PRKN: variants seen among roughly 807,000 people sequenced by gnomAD.
The protein encoded by PRKN is E3 ubiquitin-protein ligase parkin.
Under a neutral mutation model 59.5 loss-of-function variants are expected in PRKN, and 56 were observed. The observed-to-expected ratio is 0.94, with a 90% confidence interval of 0.76 to 1.18. PRKN has a LOEUF of 1.18. Ranked by LOEUF, PRKN falls within the 50% of genes most tolerant of loss-of-function variation. The pLI is 0.00. For synonymous variants in PRKN, 250 were observed against 222.1 expected (o/e 1.13, Z -1.12); for missense variants, 657 against 596.4 (o/e 1.10, Z -1.06).
At chr6:162,434,018 G>C (rs1031459978) in intron 2 of PRKN, among the ~76,000 whole-genome samples, 3 of 152,102 alleles carry the variant, frequency 2.0e-5, no homozygotes, top group African/African-American at 7.2e-5. Context: ...ACCTCTGAAT[G>C]CAAAGTATCC....
At chr6:161,902,567 T>TA (rs1246724907) in intron 6 of PRKN, among the ~76,000 whole-genome samples, 55 of 135,050 alleles carry the variant, frequency 4.1e-4, no homozygotes, top group Admixed American at 3.3e-3. Context: ...TTTATTTATT[T>TA]TTTTTTTTTT....
intron 6 of PRKN, among the ~76,000 whole-genome samples, chr6:161,858,455 A>C (rs9355939): frequency 0.5 from 75,465 of 151,668 alleles, 18,996 homozygotes; most frequent in East Asian, 0.76. Flanking sequence ...ATGTCATCAC[A>C]TTGCACGAAA....
chr6:162,658,808 T>C (rs974334614), intron 1 of PRKN, among the ~76,000 whole-genome samples: 1 of 151,736 alleles, frequency 6.6e-6, no homozygotes, highest in East Asian at 1.9e-4. Flanking sequence ...CAATATCATA[T>C]AAGTCATGTG....
Position 161,350,125 on chromosome 6 carries a change from T to C in PRKN, c.1372A>G (p.Met458Val), listed in dbSNP as rs182893847. 6.2e-7 allele frequency: 1 copy of C among 1,613,544 alleles called. No individual in the cohort carries two copies. Among genetic ancestry groups the C allele is most frequent in the South Asian group, 1.1e-5 (1 of 91,076 alleles). The change falls in exon 12 of 12, where the codon ATG (methionine) becomes GTG (valine). Residue 458 changes from methionine (M) to valine (V), a missense_variant. By Grantham distance (21) the Met-to-Val change is conservative. Transcript: ENST00000366898. ...NCGCEWNRVC[M>V]GDHWFDV ...TACACGTCGAACCAGTGGTCCCCCA[T>C]GCAGACGCGGTTCCACTCGCAGCCA... is the stretch of plus-strand genomic sequence containing the variant.
chr6:161,573,699 G>A (rs1448209288), intron 7 of PRKN, among the ~76,000 whole-genome samples: 14 of 119,216 alleles, frequency 1.2e-4, no homozygotes, highest in Middle Eastern at 0.014. Flanking sequence ...CAGCCTGGGC[G>A]ACAGAGCGAG....
rs1441940755 is a variant in PRKN at position 161,401,179 on chromosome 6, A to G, written c.1084-14302T>C. Among the ~76,000 whole-genome samples the G allele has an allele frequency of 6.6e-6, 1 of 152,188 alleles. No individual in the cohort carries two copies. Among genetic ancestry groups the G allele is most frequent in the Non-Finnish European group, 1.5e-5 (1 of 68,030 alleles). ...CACCTGTTTTTGCATGTAAAGTATC[A>G]GGCTGGAAGGCTTGGTCGGGCATGG... On this transcript the variant is annotated intron_variant, in intron 9 of 11. Transcript: ENST00000366898. This position sits in a 1 kb window ranked among gnomAD's most constrained non-coding sequence, Gnocchi z 4.4.
intron 7 of PRKN, among the ~76,000 whole-genome samples, chr6:161,625,660 G>A (rs1048722016): frequency 8.5e-5 from 13 of 152,126 alleles, no homozygotes; most frequent in African/African-American, 2.7e-4. Flanking sequence ...GCAATGTGGC[G>A]GCTACGTAGA....
rs777801875 is a variant in PRKN at position 162,054,193 on chromosome 6, A to G, written c.535-19T>C. 1 of 1,369,104 alleles carries G rather than the reference A, an allele frequency of 7.3e-7. No homozygotes were observed. Among genetic ancestry groups the G allele is most frequent in the Admixed American group, 1.7e-5 (1 of 59,708 alleles). 84.8% of individuals were successfully genotyped at this position (1,369,104 alleles called of 1,614,324 possible). A position where few individuals can be genotyped will look rare whatever the true frequency, so the allele number is the denominator to read the frequency against. On this transcript the variant is annotated intron_variant, in intron 4 of 11. Transcript: ENST00000366898. ...ATGGACCCTTTGGGAAAAAACAACA[A>G]TATATGCTTATATGAGTTATAATAG...
chr6:162,467,734 A>T (rs989582952), intron 1 of PRKN, among the ~76,000 whole-genome samples: 1 of 150,818 alleles, frequency 6.6e-6, no homozygotes, highest in African/African-American at 2.4e-5. Context: ...CACAGGATAA[A>T]ATCTACACTC....
chr6:162,211,513 AT>A (rs539191369), intron 3 of PRKN, among the ~76,000 whole-genome samples: 1 of 152,196 alleles, frequency 6.6e-6, no homozygotes, highest in Non-Finnish European at 1.5e-5. Flanking sequence ...TATTTAAAAA[AT>A]AATTTAAAAT....
At chr6:162,005,270 GAAAT>G (rs1472496064) in intron 5 of PRKN, among the ~76,000 whole-genome samples, 3 of 152,168 alleles carry the variant, frequency 2.0e-5, no homozygotes, top group African/African-American at 7.2e-5. Flanking sequence ...GGTAATAAAA[GAAAT>G]AAAGTATAGG....
chr6:161,542,923 AT>A (rs767715319), intron 9 of PRKN, among the ~76,000 whole-genome samples: 1 of 152,240 alleles, frequency 6.6e-6, no homozygotes, highest in Admixed American at 6.5e-5. Context: ...GGTTTAAAAA[AT>A]ATCTAAGCAT....
chr6:162,201,134 G>T lies in PRKN; in HGVS notation c.531C>A (p.Thr177=), dbSNP rs140590552. Residue 177 remains threonine (T), a synonymous_variant, in exon 4 of 12, where the codon ACC becomes ACA. Coordinates refer to ENST00000366898, the MANE Select transcript of PRKN (RefSeq NM_004562.3). ...STCRQATLTL[T]QGPSCWDDVL... is the part of the protein sequence containing the mutation. Reference sequence around the variant, plus strand: ...TGCTGACACTGCATTTCCTTACCTGGGTCAAGGTGAGCGTTGCCTGCCTGC... The same window carrying T: ...TGCTGACACTGCATTTCCTTACCTGTGTCAAGGTGAGCGTTGCCTGCCTGC... 2.1e-4 allele frequency: 338 copies of T among 1,613,914 alleles called. 1 individual carries two copies. Among genetic ancestry groups the T allele is most frequent in the Non-Finnish European group, 2.7e-4 (320 of 1,179,976 alleles).
chr6:162,496,322 T>C (rs1294007706), intron 1 of PRKN, among the ~76,000 whole-genome samples: 1 of 152,162 alleles, frequency 6.6e-6, no homozygotes, highest in Non-Finnish European at 1.5e-5. Context: ...AAATTTATAC[T>C]TGCATGAGTA....
At chr6:162,000,279 T>C (rs9355378) in intron 5 of PRKN, among the ~76,000 whole-genome samples, 120,224 of 152,056 alleles carry the variant, frequency 0.79, 48,271 homozygotes, top group African/African-American at 0.93. Context: ...ATAAGAGTTT[T>C]TCTTGATTCC....
chr6:162,227,863 C>G (rs1394283755), intron 3 of PRKN, among the ~76,000 whole-genome samples: 1 of 151,388 alleles, frequency 6.6e-6, no homozygotes. Flanking sequence ...TTGTGTTCCT[C>G]TATTGAAATT....
At chr6:161,751,992 G>C (rs116038766) in intron 7 of PRKN, among the ~76,000 whole-genome samples, 4 of 152,364 alleles carry the variant, frequency 2.6e-5, no homozygotes, top group African/African-American at 9.6e-5. Context: ...AACTGCCACA[G>C]GGCAGGCAAG....
In PRKN at chr6:162,662,945, T is replaced by C. The variant is rs558999000; in HGVS notation, c.7+64717A>G. Among the ~76,000 whole-genome samples, 69 of 152,156 alleles carry C rather than the reference T, an allele frequency of 4.5e-4. No individual in the cohort carries two copies. In the South Asian group the frequency reaches 0.014, roughly 31 times the overall value. On this transcript the variant is annotated intron_variant, in intron 1 of 11. Transcript: ENST00000366898. ...GGGGGAAAGGGAGGCAGAAGAGCGA[T>C]TGAAGCTGAAGGGAAAGGTGTGAAG...
chr6:161,906,161 G>T (rs944327670), intron 6 of PRKN, among the ~76,000 whole-genome samples: 1 of 152,096 alleles, frequency 6.6e-6, no homozygotes, highest in African/African-American at 2.4e-5. Flanking sequence ...ATTCTGAATT[G>T]CATGTGTCTT....
Sources: allele counts gnomAD v4.1 joint callset (sites outside exome capture counted in the v4.1 genomes callset), GRCh38; gene constraint gnomAD v4.1.1; non-coding constraint Gnocchi (gnomAD v3.1); transcripts MANE v1.5; gene names NCBI Gene and HGNC (gene_info 2026-07-23, HGNC 2026-07-21).